KIAA2012: variants seen among roughly 807,000 people sequenced by gnomAD.
KIAA2012 encodes the protein KIAA2012, also known as uncharacterized protein KIAA2012.
Under a neutral mutation model 150.6 loss-of-function variants are expected in KIAA2012, and 125 were observed. The ratio of observed to expected loss-of-function variants is 0.83; its 90% confidence interval spans 0.72 to 0.96. The LOEUF is 0.96. Among genes scored for constraint, KIAA2012 ranks in the 40% least tolerant of loss-of-function variants. KIAA2012 has a pLI of 0.00. For missense variants in KIAA2012, 1,219 were observed against 1,354.9 expected, an observed-to-expected ratio of 0.90 and a Z score of 1.57; for synonymous variants, 462 against 504.7, an observed-to-expected ratio of 0.92 and a Z score of 1.13.
chr2:202,145,780 A>G (rs10192784), intron 13 of KIAA2012, among the ~76,000 whole-genome samples: 104,079 of 148,978 alleles, frequency 0.7, 37,139 homozygotes, highest in African/African-American at 0.86. Flanking sequence ...TGCCTCCAGG[A>G]TTCAAGCGAT....
rs115543352 is a variant in KIAA2012, at chr2:202,155,443, C to A, written c.2046+633C>A. Among the ~76,000 whole-genome samples, 439 of 152,270 alleles carry A rather than the reference C, an allele frequency of 2.9e-3. 2 individuals carry two copies. Among genetic ancestry groups the A allele is most frequent in the Non-Finnish European group, 5.6e-3 (378 of 68,014 alleles). On this transcript the variant is annotated intron_variant, in intron 14 of 23. Coordinates refer to ENST00000498697, the MANE Select transcript of KIAA2012 (RefSeq NM_001277372.4). Reference sequence around the variant, plus strand: ...GCTCCATGAATTGGCCCATCCTTTTCATCGCACACTCTCTGGTTTAGGGCC... The same window carrying A: ...GCTCCATGAATTGGCCCATCCTTTTAATCGCACACTCTCTGGTTTAGGGCC...
At chr2:202,184,213 A>C (rs1460848384) in intron 15 of KIAA2012, among the ~76,000 whole-genome samples, 1 of 151,894 alleles carries the variant, frequency 6.6e-6, no homozygotes, top group African/African-American at 2.4e-5. Flanking sequence ...GTGAAACCCC[A>C]TCTCTACTAA....
At chr2:202,107,516 C>T (rs114318910) in intron 9 of KIAA2012, among the ~76,000 whole-genome samples, 52 of 152,286 alleles carry the variant, frequency 3.4e-4, no homozygotes, top group African/African-American at 1.2e-3. Flanking sequence ...ATAAAGGACA[C>T]TAGTGAATTT....
chr2:202,174,155 G>A (rs887270355), intron 15 of KIAA2012, among the ~76,000 whole-genome samples: 1 of 152,090 alleles, frequency 6.6e-6, no homozygotes, highest in Non-Finnish European at 1.5e-5. Context: ...AGTAGAGATG[G>A]AGCTTCACCA....
intron 10 of KIAA2012, among the ~76,000 whole-genome samples, chr2:202,111,327 T>C (rs1292947345): frequency 2.2e-5 from 3 of 135,320 alleles, no homozygotes; most frequent in Non-Finnish European, 4.7e-5. Flanking sequence ...AAACCCCATC[T>C]CTACTAAAAA....
intron 4 of KIAA2012, among the ~76,000 whole-genome samples, chr2:202,095,249 A>G (rs1689837898): frequency 6.6e-6 from 1 of 152,142 alleles, no homozygotes; most frequent in African/African-American, 2.4e-5. Context: ...TGTAACTTGA[A>G]CCCTGACTGA....
At chr2:202,131,059 T>C (rs1269209613) in intron 12 of KIAA2012, among the ~76,000 whole-genome samples, 1 of 152,242 alleles carries the variant, frequency 6.6e-6, no homozygotes, top group Non-Finnish European at 1.5e-5. Flanking sequence ...TGTCTTGGTT[T>C]CCCCATAATC....
chr2:202,155,370 C>T (rs994964375), intron 14 of KIAA2012, among the ~76,000 whole-genome samples: 2 of 152,164 alleles, frequency 1.3e-5, no homozygotes, highest in Admixed American at 1.3e-4. Flanking sequence ...CTCCCTCCCA[C>T]CCCAGCATCG....
At chr2:202,133,109 A>AAAAATATATATATATAT (rs766606713) in intron 12 of KIAA2012, among the ~76,000 whole-genome samples, 2 of 87,874 alleles carry the variant, frequency 2.3e-5, no homozygotes, top group African/African-American at 9.3e-5. Context: ...TCTAAAAAAA[A>AAAAATATATATATATAT]ATATATATAT....
chr2:202,148,993 C>T (rs1189713337), intron 13 of KIAA2012, among the ~76,000 whole-genome samples: 1 of 152,206 alleles, frequency 6.6e-6, no homozygotes, highest in Non-Finnish European at 1.5e-5. Flanking sequence ...CGCAGGCTGC[C>T]ATGGGCAAGG....
In KIAA2012 at chr2:202,078,808, C is replaced by T. The variant is rs1291049410; in HGVS notation, c.369+3633C>T. ...AAGCACAGAGAACTCGAGTGACTCA[C>T]TCAAAGTTATACAGCCAAGTAAATC... On this transcript the variant is annotated intron_variant, in intron 2 of 23. Transcript: ENST00000498697. Among the ~76,000 whole-genome samples, 3 of 152,146 alleles carry T rather than the reference C, an allele frequency of 2.0e-5. No individual in the cohort carries two copies. The East Asian group carries it at 5.8e-4, about 29-fold the overall frequency.
intron 12 of KIAA2012, among the ~76,000 whole-genome samples, chr2:202,131,093 C>T (rs1252231719): frequency 1.3e-5 from 2 of 152,138 alleles, no homozygotes; most frequent in African/African-American, 4.8e-5. Context: ...TTAATGTAGA[C>T]ATCAGAATCA....
At chr2:202,187,201 A>G in intron 17 of KIAA2012, 103 bp downstream of exon 17, 2 of 1,288,844 alleles carry the variant, frequency 1.6e-6, no homozygotes, top group East Asian at 5.1e-5. Context: ...AGGGCACCCG[A>G]TAAAGGGGAT....
At chr2:202,074,510 T>C (rs1472106399) in intron 1 of KIAA2012, among the ~76,000 whole-genome samples, 1 of 152,216 alleles carries the variant, frequency 6.6e-6, no homozygotes, top group Non-Finnish European at 1.5e-5. Flanking sequence ...TGGCTTGGAA[T>C]GCTCCTATTT....
rs1385919242 is a variant in KIAA2012, at chr2:202,190,154, C to A, written c.2492-20C>A. The A allele has an allele frequency of 8.7e-6, 13 of 1,496,474 alleles. No homozygotes were observed. Among genetic ancestry groups the A allele is most frequent in the Non-Finnish European group, 1.2e-5 (13 of 1,126,968 alleles). The allele number at this position is 1,496,474 out of a possible 1,614,324, so 92.7% of individuals were successfully genotyped here. The stretch of plus-strand genomic sequence containing the variant: ...TAAGTTAACTCAGCTATATCTCTAT[C>A]CCCAATTGTTCTCCCCCAGGAAAGT... On this transcript the variant is annotated intron_variant, in intron 18 of 23. Transcript: ENST00000498697.
At chr2:202,146,684 A>G (rs1691309749) in intron 13 of KIAA2012, among the ~76,000 whole-genome samples, 1 of 150,412 alleles carries the variant, frequency 6.6e-6, no homozygotes, top group Non-Finnish European at 1.5e-5. Context: ...CTGTAGTCCC[A>G]GCTACTCAGG....
intron 2 of KIAA2012, among the ~76,000 whole-genome samples, chr2:202,079,776 T>C (rs1196352930): frequency 6.6e-6 from 1 of 152,188 alleles, no homozygotes; most frequent in Non-Finnish European, 1.5e-5. Flanking sequence ...TTGAAACCAT[T>C]CTTCTTGAGG....
chr2:202,141,289 G>A (rs1322808888), intron 13 of KIAA2012, among the ~76,000 whole-genome samples: 2 of 152,266 alleles, frequency 1.3e-5, no homozygotes, highest in East Asian at 3.9e-4. Context: ...CCTGACCCAA[G>A]GAGCGGGGCC....
At chr2:202,132,748 G>C (rs1168048886) in intron 12 of KIAA2012, among the ~76,000 whole-genome samples, 3 of 18,954 alleles carry the variant, frequency 1.6e-4, no homozygotes, top group Admixed American at 7.0e-4. Flanking sequence ...TATATATATA[G>C]TATATATGTA....
Sources: gnomAD v4.1 joint callset for allele counts (sites outside exome capture counted in the v4.1 genomes callset) on GRCh38, gnomAD v4.1.1 for gene constraint, MANE v1.5 for transcripts, NCBI Gene and HGNC (gene_info 2026-07-23, HGNC 2026-07-21) for gene names.